The following GINS1 variants were observed in gnomAD, a reference collection of about 807,000 sequenced individuals.
GINS1 encodes the protein DNA replication complex GINS protein PSF1.
In GINS1, 26 loss-of-function variants were observed where a neutral mutation model predicts 34.9. The ratio of observed to expected loss-of-function variants is 0.74; its 90% CI spans 0.55 to 1.03. GINS1 has a LOEUF of 1.03. Ranked by LOEUF, GINS1 falls within the 50% of genes least tolerant of loss-of-function variation. The probability of loss-of-function intolerance (pLI) is 0.00; values close to 1 mark genes in which losing one functional copy is unlikely to be tolerated. For missense variants in GINS1, 235 were observed against 237.9 expected (o/e 0.99, Z 0.08); for synonymous variants, 97 against 84.4 (o/e 1.15, Z -0.82).
chr20:25,417,019 A>G (rs2072046593), intron 2 of GINS1, 85 bp from the exon 3 acceptor site: 3 of 642,876 alleles, frequency 4.7e-6, no homozygotes, highest in South Asian at 1.9e-5. Flanking sequence ...AAAAACAAGC[A>G]TGTAACTCAG....
At chr20:25,427,105 C>G (rs1036526563) in intron 5 of GINS1, among the ~76,000 whole-genome samples, 2 of 152,204 alleles carry the variant, frequency 1.3e-5, no homozygotes, top group Admixed American at 1.3e-4. Context: ...ATTTTACATT[C>G]CAACATTACG....
At chr20:25,430,634 G>A (rs960502518) in intron 5 of GINS1, among the ~76,000 whole-genome samples, 9 of 152,144 alleles carry the variant, frequency 5.9e-5, no homozygotes, top group South Asian at 2.1e-4. Flanking sequence ...GGGTTCAAGC[G>A]ATTCTCCTGC....
At chr20:25,429,373 CTT>C (rs1011278294) in intron 5 of GINS1, among the ~76,000 whole-genome samples, 1 of 152,080 alleles carries the variant, frequency 6.6e-6, no homozygotes, top group East Asian at 1.9e-4. Context: ...CCAAAAGACA[CTT>C]TTGGGATTAT....
At chr20:25,424,922 G>A (rs1052433411) in intron 4 of GINS1, among the ~76,000 whole-genome samples, 7 of 152,098 alleles carry the variant, frequency 4.6e-5, no homozygotes, top group Admixed American at 1.3e-4. Flanking sequence ...CTGAAATGGC[G>A]TCTTTTTCAT....
chr20:25,438,434 A>T (rs2090465253), intron 5 of GINS1, among the ~76,000 whole-genome samples: 1 of 151,942 alleles, frequency 6.6e-6, no homozygotes, highest in Non-Finnish European at 1.5e-5. Context: ...TAGCATCAAC[A>T]TGACTAATAA....
intron 4 of GINS1, among the ~76,000 whole-genome samples, chr20:25,421,362 C>T (rs2090354268): frequency 6.6e-6 from 1 of 152,042 alleles, no homozygotes; most frequent in African/African-American, 2.4e-5. Flanking sequence ...AATAAGGTTA[C>T]TAACATGAAA....
intron 5 of GINS1, among the ~76,000 whole-genome samples, chr20:25,426,354 G>A (rs900565023): frequency 6.6e-6 from 1 of 151,778 alleles, no homozygotes; most frequent in East Asian, 2.0e-4. Flanking sequence ...ACCTGAGGTC[G>A]GGAGTTCAAG....
intron 5 of GINS1, among the ~76,000 whole-genome samples, chr20:25,437,974 C>T (rs2090462678): frequency 6.6e-6 from 1 of 151,904 alleles, no homozygotes; most frequent in Non-Finnish European, 1.5e-5. Context: ...CAAAATTTAG[C>T]CAGGCGTGGT....
At chr20:25,429,149 C>T (rs746236176) in intron 5 of GINS1, among the ~76,000 whole-genome samples, 8 of 151,860 alleles carry the variant, frequency 5.3e-5, no homozygotes, top group East Asian at 3.9e-4. Flanking sequence ...CCACCATGCC[C>T]GGCTAATTTT....
rs531366555 is a variant in GINS1, at chr20:25,445,410, G to C, written c.523-513G>C. The stretch of plus-strand genomic sequence containing the variant: ...TGCCCAAGCTGGAGTGCAGTGGCAC[G>C]GTCTCGGCTCACTGCAAGCTCTGCC... On this transcript the variant is annotated intron_variant, in intron 6 of 6. Coordinates refer to ENST00000262460, the MANE Select transcript of GINS1 (RefSeq NM_021067.5). Among the ~76,000 whole-genome samples, 17 of 150,102 alleles carry C rather than the reference G, an allele frequency of 1.1e-4. No homozygotes were observed. In the East Asian group the frequency reaches 2.7e-3, roughly 24 times the overall value.
chr20:25,420,315 G>A (rs922937074), intron 4 of GINS1, among the ~76,000 whole-genome samples: 1 of 151,308 alleles, frequency 6.6e-6, no homozygotes, highest in African/African-American at 2.4e-5. Context: ...TGTATTTTTA[G>A]TAGAGACGGG....
intron 5 of GINS1, among the ~76,000 whole-genome samples, chr20:25,439,167 A>G (rs1201981584): frequency 6.6e-6 from 1 of 152,212 alleles, no homozygotes; most frequent in East Asian, 1.9e-4. Flanking sequence ...AGTATGGATG[A>G]CACTTGGGCC....
chr20:25,420,560 C>T (rs2090348536), intron 4 of GINS1, among the ~76,000 whole-genome samples: 1 of 151,834 alleles, frequency 6.6e-6, no homozygotes, highest in South Asian at 2.1e-4. Context: ...CCCCAGTGAC[C>T]TCATCTATAA....
intron 1 of GINS1, among the ~76,000 whole-genome samples, chr20:25,410,011 G>A (rs1233450108): frequency 6.6e-6 from 1 of 152,078 alleles, no homozygotes; most frequent in African/African-American, 2.4e-5. Context: ...TTAAGTGTTG[G>A]GTTATCACTT....
rs953588960 is a variant in GINS1, at chr20:25,440,349, A to C, written c.448-1353A>C. On this transcript the variant is annotated intron_variant, in intron 5 of 6. Transcript: ENST00000262460. ...CTGGTTTTATAGAAGTAGACAATAG[A>C]ATATTTACAGATGAGGTGAAATGAT... 2.6e-5 allele frequency among the ~76,000 whole-genome samples: 4 copies of C among 152,306 alleles called. No individual in the cohort carries two copies. In the East Asian group the frequency reaches 7.7e-4, roughly 29 times the overall value.
At chr20:25,424,788 T>C (rs896829931) in intron 4 of GINS1, among the ~76,000 whole-genome samples, 1 of 152,254 alleles carries the variant, frequency 6.6e-6, no homozygotes, top group African/African-American at 2.4e-5. Flanking sequence ...TTGTTACTTA[T>C]GGTTAAATAA....
At chr20:25,410,212 G>A (rs187279345) in intron 1 of GINS1, among the ~76,000 whole-genome samples, 403 of 152,124 alleles carry the variant, frequency 2.6e-3, no homozygotes, top group African/African-American at 9.3e-3. Flanking sequence ...GTGGTGGGAT[G>A]TGCCTGTAGT....
chr20:25,438,964 G>C (rs1228540064), intron 5 of GINS1, among the ~76,000 whole-genome samples: 1 of 152,112 alleles, frequency 6.6e-6, no homozygotes, highest in Non-Finnish European at 1.5e-5. Flanking sequence ...GTTAGAGAAT[G>C]GAATAAAAGC....
intron 4 of GINS1, among the ~76,000 whole-genome samples, chr20:25,419,149 A>G (rs756345683): frequency 8.5e-5 from 13 of 152,202 alleles, no homozygotes; most frequent in Non-Finnish European, 1.3e-4. Context: ...TACAAGGCCT[A>G]TCACAGGGTT....
Sources: allele counts gnomAD v4.1 joint callset (sites outside exome capture counted in the v4.1 genomes callset), GRCh38; gene constraint gnomAD v4.1.1; transcripts MANE v1.5; gene names NCBI Gene and HGNC (gene_info 2026-07-23, HGNC 2026-07-21).